MYO3A: variants seen among roughly 807,000 people sequenced by gnomAD.
MYO3A encodes the protein myosin-IIIa.
MYO3A carries 180 observed loss-of-function variants against 192.7 expected under a neutral mutation model. The observed-to-expected ratio is 0.93, with a 90% CI of 0.83 to 1.06. The LOEUF (loss-of-function observed/expected upper bound fraction) is 1.06. MYO3A is among the 50% of genes least tolerant of loss of function. MYO3A has a pLI of 0.00. For missense variants in MYO3A, 1,896 were observed against 1,905.0 expected (o/e 1.00, Z 0.09); for synonymous variants, 628 against 645.3 (o/e 0.97, Z 0.41).
At chr10:25,982,283 C>A (rs926325098) in intron 4 of MYO3A, among the ~76,000 whole-genome samples, 1 of 152,086 alleles carries the variant, frequency 6.6e-6, no homozygotes, top group Non-Finnish European at 1.5e-5. Flanking sequence ...CTATCCCTGC[C>A]GCCACCTGGT....
At chr10:25,970,620 C>T (rs573184810) in intron 4 of MYO3A, among the ~76,000 whole-genome samples, 18 of 151,298 alleles carry the variant, frequency 1.2e-4, no homozygotes, top group Non-Finnish European at 2.2e-4. Flanking sequence ...AAAAAATAAA[C>T]AAAAATAATA....
intron 4 of MYO3A, among the ~76,000 whole-genome samples, chr10:25,972,192 C>G (rs1379650941): frequency 6.6e-6 from 1 of 151,880 alleles, no homozygotes; most frequent in Non-Finnish European, 1.5e-5. Flanking sequence ...TTTATAATCC[C>G]AATTCAAATC....
intron 31 of MYO3A, among the ~76,000 whole-genome samples, chr10:26,189,609 CAA>C (rs2132130494): frequency 6.6e-6 from 1 of 152,156 alleles, no homozygotes; most frequent in Non-Finnish European, 1.5e-5. Context: ...ACTGGACTGA[CAA>C]GAGGAGAAAG....
At chr10:26,210,133 GGGAA>G (rs139947188) in intron 34 of MYO3A, among the ~76,000 whole-genome samples, 38,235 of 138,086 alleles carry the variant, frequency 0.28, 7,479 homozygotes, top group African/African-American at 0.57. Context: ...GAGGGAGGGA[GGGAA>G]GGAAGGAAGG....
chr10:26,194,981 T>G (rs767045871), intron 32 of MYO3A, among the ~76,000 whole-genome samples: 2 of 152,180 alleles, frequency 1.3e-5, no homozygotes, highest in Non-Finnish European at 2.9e-5. Context: ...TGCCATACAA[T>G]TAACCCACCT....
In MYO3A at chr10:26,088,397, C is replaced by T; in HGVS notation, c.1554C>T (p.His518=). 1 of 1,612,846 alleles carries T rather than the reference C, an allele frequency of 6.2e-7. No individual in the cohort carries two copies. Among genetic ancestry groups the T allele is most frequent in the Non-Finnish European group, 8.5e-7 (1 of 1,178,970 alleles). ...EYLLEKSRVI[H]QAIGEKNFHI... ...TCCTGGAAAAATCCCGAGTTATCCA[C>T]CAAGCTATGTAAGTTTATTTCAAAT... Residue 518 remains histidine (H), a synonymous_variant, in exon 15 of 35, where the codon CAC becomes CAT. Coordinates refer to ENST00000642920, the MANE Select transcript of MYO3A (RefSeq NM_017433.5).
At chr10:26,204,219 C>G (rs1350355255) in intron 34 of MYO3A, 1 of 152,190 alleles carries the variant, frequency 6.6e-6, no homozygotes, top group Non-Finnish European at 1.5e-5. Context: ...CAGAAGAACA[C>G]CAAATGCCAG....
chr10:25,934,371 T>TGGGTAGCGGCGCC (rs1160181231), intron 1 of MYO3A, 43 bp downstream of exon 1: 1 of 151,576 alleles, frequency 6.6e-6, no homozygotes, highest in Non-Finnish European at 1.5e-5. Flanking sequence ...GGGGCGGCGG[T>TGGGTAGCGGCGCC]GGGTAGCGGC....
At chr10:26,015,391 G>A (rs1388695902) in intron 6 of MYO3A, among the ~76,000 whole-genome samples, 1 of 151,638 alleles carries the variant, frequency 6.6e-6, no homozygotes, top group Non-Finnish European at 1.5e-5. Flanking sequence ...TACTTCCTAG[G>A]GCTCCTGAAC....
chr10:25,953,108 A>G (rs1837310806), intron 3 of MYO3A, among the ~76,000 whole-genome samples: 2 of 152,088 alleles, frequency 1.3e-5, no homozygotes, highest in South Asian at 2.1e-4. Context: ...AACTGCTCCA[A>G]TTAACAGACT....
chr10:26,197,587 A>G (rs74616979), intron 32 of MYO3A, among the ~76,000 whole-genome samples: 9,289 of 152,228 alleles, frequency 0.061, 349 homozygotes, highest in Non-Finnish European at 0.085. Context: ...GTTTTGAGAC[A>G]GAGTCTCACT....
chr10:26,016,065 A>G (rs185416756), intron 6 of MYO3A, among the ~76,000 whole-genome samples: 134 of 152,266 alleles, frequency 8.8e-4, no homozygotes, highest in African/African-American at 2.8e-3. Context: ...TCAGATAACC[A>G]GGACCCCTTG....
intron 10 of MYO3A, among the ~76,000 whole-genome samples, chr10:26,056,201 A>G (rs1834098512): frequency 6.6e-6 from 1 of 152,198 alleles, no homozygotes; most frequent in South Asian, 2.1e-4. Context: ...ATAAATGAAG[A>G]ACAACCTTAA....
chr10:26,002,986 A>C (rs16926512), intron 6 of MYO3A, among the ~76,000 whole-genome samples: 2 of 152,046 alleles, frequency 1.3e-5, no homozygotes, highest in African/African-American at 4.8e-5. Context: ...CCCTAGAACC[A>C]GGTACAGTGC....
intron 17 of MYO3A, among the ~76,000 whole-genome samples, chr10:26,105,487 T>C (rs1051519922): frequency 3.3e-5 from 5 of 152,168 alleles, no homozygotes; most frequent in Admixed American, 1.3e-4. Flanking sequence ...GTTTGCCAGC[T>C]GCTTAGATTT....
intron 31 of MYO3A, among the ~76,000 whole-genome samples, chr10:26,181,579 A>G (rs1251504225): frequency 1.3e-5 from 2 of 152,202 alleles, no homozygotes; most frequent in East Asian, 3.8e-4. Context: ...ATACAGATGG[A>G]AAATAAGCAT....
At chr10:25,966,577 CA>C (rs200075885) in intron 4 of MYO3A, among the ~76,000 whole-genome samples, 3 of 150,792 alleles carry the variant, frequency 2.0e-5, no homozygotes, top group Non-Finnish European at 4.4e-5. Context: ...TGAAAACAAA[CA>C]AAAAAAAACT....
intron 10 of MYO3A, among the ~76,000 whole-genome samples, chr10:26,059,842 G>T (rs188582475): frequency 3.7e-4 from 56 of 152,338 alleles, no homozygotes; most frequent in Admixed American, 2.1e-3. Context: ...GGATTGAACT[G>T]CATACTTAGA....
chr10:25,975,776 C>G (rs1263208239), intron 4 of MYO3A, among the ~76,000 whole-genome samples: 1 of 152,026 alleles, frequency 6.6e-6, no homozygotes, highest in African/African-American at 2.4e-5. Context: ...CATTAAAATG[C>G]ATTTGTTAAA....
Sources: gnomAD v4.1 joint callset for allele counts (sites outside exome capture counted in the v4.1 genomes callset) on GRCh38, gnomAD v4.1.1 for gene constraint, MANE v1.5 for transcripts, NCBI Gene and HGNC (gene_info 2026-07-23, HGNC 2026-07-21) for gene names.